Variants in ST6GALNAC3 observed in about 807,000 individuals in gnomAD.
The protein encoded by ST6GALNAC3 is ST6 N-acetylgalactosaminide alpha-2,6-sialyltransferase 3.
A neutral mutation model predicts 32.7 loss-of-function variants in ST6GALNAC3; 25 were observed. That is an observed-to-expected ratio of 0.76 (90% CI 0.56 to 1.07). The LOEUF is 1.07. Among genes scored for constraint, ST6GALNAC3 ranks in the 50% least tolerant of loss-of-function variants. ST6GALNAC3 has a pLI of 0.00. For synonymous variants in ST6GALNAC3, 129 were observed against 133.1 expected (o/e 0.97, Z 0.21); for missense variants, 355 against 382.4 (o/e 0.93, Z 0.60).
intron 1 of ST6GALNAC3, among the ~76,000 whole-genome samples, chr1:76,130,578 C>T (rs1649547123): frequency 6.6e-6 from 1 of 152,206 alleles, no homozygotes; most frequent in Non-Finnish European, 1.5e-5. Flanking sequence ...GGGGTCCTGG[C>T]CTGGCTCAGT....
Position 76,082,988 on chromosome 1 carries a change from GT to G in ST6GALNAC3, c.18+8105del, listed in dbSNP as rs1646918432. ...TACTCAGATTTGAAAACTATCGCAC[GT>G]AAAATCCTTTTCTGGAAGGGACTTC... is the stretch of plus-strand genomic sequence containing the variant. On this transcript the variant is annotated intron_variant, in intron 1 of 4. Transcript: ENST00000328299. Among the ~76,000 whole-genome samples the G allele has an allele frequency of 2.6e-5, 4 of 152,034 alleles. No homozygotes were observed. In the South Asian group the frequency reaches 8.3e-4, roughly 32 times the overall value.
At chr1:76,365,141 C>A (rs1431578861) in intron 2 of ST6GALNAC3, among the ~76,000 whole-genome samples, 1 of 152,130 alleles carries the variant, frequency 6.6e-6, no homozygotes, top group African/African-American at 2.4e-5. Flanking sequence ...TACTACGCAG[C>A]CATAGACAAA....
intron 3 of ST6GALNAC3, among the ~76,000 whole-genome samples, chr1:76,606,943 A>T (rs945018339): frequency 6.7e-6 from 1 of 149,848 alleles, no homozygotes; most frequent in Non-Finnish European, 1.5e-5. Flanking sequence ...CTAGCTACCC[A>T]GAGTTAGCAT....
At chr1:76,344,418 C>A (rs932913139) in intron 2 of ST6GALNAC3, among the ~76,000 whole-genome samples, 1 of 152,096 alleles carries the variant, frequency 6.6e-6, no homozygotes, top group African/African-American at 2.4e-5. Flanking sequence ...TTTTTCCCTG[C>A]ATTATTTTTT....
chr1:76,581,470 A>G (rs1052513042), intron 3 of ST6GALNAC3, among the ~76,000 whole-genome samples: 3 of 152,154 alleles, frequency 2.0e-5, no homozygotes, highest in Admixed American at 1.3e-4. Flanking sequence ...CTGTGTTCAC[A>G]TATATACACA....
chr1:76,111,581 T>A (rs1374334520), intron 1 of ST6GALNAC3, among the ~76,000 whole-genome samples: 1 of 150,200 alleles, frequency 6.7e-6, no homozygotes. Context: ...CAGAGGACCC[T>A]GCGGCCTTCC....
chr1:76,612,694 A>C (rs1027124897), intron 3 of ST6GALNAC3, among the ~76,000 whole-genome samples: 2 of 152,212 alleles, frequency 1.3e-5, no homozygotes, highest in Non-Finnish European at 2.9e-5. Flanking sequence ...AGCCTTTCAT[A>C]TAAATCTGGG....
chr1:76,094,178 C>G (rs552594585), intron 1 of ST6GALNAC3, among the ~76,000 whole-genome samples: 1 of 152,140 alleles, frequency 6.6e-6, no homozygotes, highest in South Asian at 2.1e-4. Context: ...GGGGAATTGT[C>G]CATGTAGAGA....
At chr1:76,339,747 A>C (rs1218022778) in intron 2 of ST6GALNAC3, among the ~76,000 whole-genome samples, 1 of 152,014 alleles carries the variant, frequency 6.6e-6, no homozygotes, top group Non-Finnish European at 1.5e-5. Context: ...AGACCAAGCA[A>C]CTCCTCTAAT....
At chr1:76,190,355 G>T (rs555904407) in intron 1 of ST6GALNAC3, among the ~76,000 whole-genome samples, 15 of 152,286 alleles carry the variant, frequency 9.8e-5, no homozygotes, top group African/African-American at 3.6e-4. Context: ...GTGACTTCTT[G>T]CTGCCGTGGA....
At chr1:76,379,217 G>T (rs576422234) in intron 2 of ST6GALNAC3, among the ~76,000 whole-genome samples, 1 of 152,040 alleles carries the variant, frequency 6.6e-6, no homozygotes, top group African/African-American at 2.4e-5. Flanking sequence ...ATATTTCCTA[G>T]TTTCTCTTCC....
intron 1 of ST6GALNAC3, among the ~76,000 whole-genome samples, chr1:76,228,694 G>GA (rs1190749144): frequency 2.5e-4 from 38 of 152,122 alleles, no homozygotes; most frequent in Non-Finnish European, 1.3e-4. Flanking sequence ...TTACTTTCAG[G>GA]AAAAATGTTA....
chr1:76,170,098 T>A (rs1030956922), intron 1 of ST6GALNAC3, among the ~76,000 whole-genome samples: 1 of 152,104 alleles, frequency 6.6e-6, no homozygotes, highest in Non-Finnish European at 1.5e-5. Context: ...TCTGGAAGAT[T>A]TTAGAGGGCC....
intron 3 of ST6GALNAC3, among the ~76,000 whole-genome samples, chr1:76,462,302 T>A (rs1383497470): frequency 6.6e-6 from 1 of 152,152 alleles, no homozygotes; most frequent in Non-Finnish European, 1.5e-5. Flanking sequence ...CAACTCTTAA[T>A]ATAAAATGGG....
intron 1 of ST6GALNAC3, among the ~76,000 whole-genome samples, chr1:76,236,676 G>C (rs1416681531): frequency 6.6e-6 from 1 of 152,088 alleles, no homozygotes; most frequent in African/African-American, 2.4e-5. Context: ...TTATAAACAA[G>C]ACTATAATCT....
intron 3 of ST6GALNAC3, among the ~76,000 whole-genome samples, chr1:76,548,163 T>A (rs1032537149): frequency 2.0e-5 from 3 of 152,204 alleles, no homozygotes; most frequent in Non-Finnish European, 4.4e-5. Flanking sequence ...GTCTTGTTTA[T>A]CCTCCCACTT....
At chr1:76,084,980 T>C (rs141451107) in intron 1 of ST6GALNAC3, among the ~76,000 whole-genome samples, 9 of 152,334 alleles carry the variant, frequency 5.9e-5, no homozygotes, top group East Asian at 1.9e-4. Context: ...TTGACAACTT[T>C]ACCAGCATGA....
chr1:76,082,228 G>A (rs533488903), intron 1 of ST6GALNAC3, among the ~76,000 whole-genome samples: 39 of 152,304 alleles, frequency 2.6e-4, no homozygotes, highest in African/African-American at 8.9e-4. Flanking sequence ...GAACAGTGGA[G>A]GAAGGCATTT....
In ST6GALNAC3 at chr1:76,209,283, C is replaced by T. The variant is rs143694262; in HGVS notation, c.19-104522C>T. Among the ~76,000 whole-genome samples, 106 of 152,264 alleles carry T rather than the reference C, an allele frequency of 7.0e-4. 1 individual carries two copies. The highest frequency in any genetic ancestry group is 3.5e-3 in the Admixed American group (53 of 15,296). ...CCCTGAGCTTATGCTGTGATAAAAG[C>T]GTGAATGTTTTACTGTGTCAAAGCA... On this transcript the variant is annotated intron_variant, in intron 1 of 4. Transcript: ENST00000328299.
Sources: allele counts gnomAD v4.1 joint callset (sites outside exome capture counted in the v4.1 genomes callset), GRCh38; gene constraint gnomAD v4.1.1; transcripts MANE v1.5; gene names NCBI Gene and HGNC (gene_info 2026-07-23, HGNC 2026-07-21).